CSMD1: variants seen among roughly 807,000 people sequenced by gnomAD.
The protein encoded by CSMD1 is CUB and sushi domain-containing protein 1.
In CSMD1, 213 loss-of-function variants were observed where a neutral mutation model predicts 417.5. The ratio of observed to expected loss-of-function variants is 0.51; its 90% CI spans 0.46 to 0.57. The LOEUF is 0.57. Ranked by LOEUF, CSMD1 falls within the 20% of genes least tolerant of loss-of-function variation. The probability of loss-of-function intolerance (pLI) is 0.00; values close to 1 mark genes in which losing one functional copy is unlikely to be tolerated. For synonymous variants in CSMD1, 2,862 were observed against 1,736.8 expected (o/e 1.65, Z -16.11); for missense variants, 6,923 against 4,529.7 (o/e 1.53, Z -15.17).
At chr8:4,328,719 C>G (rs534823089) in intron 3 of CSMD1, among the ~76,000 whole-genome samples, 1 of 152,134 alleles carries the variant, frequency 6.6e-6, no homozygotes, top group Non-Finnish European at 1.5e-5. Context: ...TATACTATGG[C>G]TATTTCTTTA....
intron 5 of CSMD1, among the ~76,000 whole-genome samples, chr8:3,876,410 C>G (rs73661014): frequency 6.6e-6 from 1 of 152,142 alleles, no homozygotes; most frequent in African/African-American, 2.4e-5. Flanking sequence ...CTAAAGAATT[C>G]TGCACTTAGA....
intron 3 of CSMD1, among the ~76,000 whole-genome samples, chr8:4,306,754 G>C (rs117988211): frequency 6.6e-6 from 1 of 152,072 alleles, no homozygotes. Context: ...CAGCAGGGTA[G>C]TGTTCTGGTG....
chr8:2,959,763 A>C (rs1267490081), intron 62 of CSMD1, among the ~76,000 whole-genome samples: 4 of 152,154 alleles, frequency 2.6e-5, no homozygotes, highest in African/African-American at 9.7e-5. Flanking sequence ...TGCTAAAGAA[A>C]ACAGACAAAA....
chr8:3,574,310 G>C (rs912536923), intron 10 of CSMD1, among the ~76,000 whole-genome samples: 3 of 152,230 alleles, frequency 2.0e-5, no homozygotes, highest in African/African-American at 7.2e-5. Flanking sequence ...GCACGATCTT[G>C]GCCCACTTCA....
chr8:3,959,582 T>C (rs916143285), intron 5 of CSMD1, among the ~76,000 whole-genome samples: 1 of 152,250 alleles, frequency 6.6e-6, no homozygotes, highest in Non-Finnish European at 1.5e-5. Flanking sequence ...TCTCTTTTAA[T>C]CTAAAAATAA....
rs754048973 is a variant in CSMD1, at chr8:4,578,813, CA to C, written c.302+58528del. ...TGGGTGACAGAGATAGACTCCACCT[CA>C]AAAAAAAAAAAAAAACAAACCTATC... On this transcript the variant is annotated intron_variant, in intron 2 of 69. Coordinates refer to ENST00000635120, the MANE Select transcript of CSMD1 (RefSeq NM_033225.6). 0.011 allele frequency among the ~76,000 whole-genome samples: 896 copies of C among 81,444 alleles called. 21 individuals carry two copies. In the East Asian group the frequency reaches 0.17, roughly 16 times the overall value. The allele number at this position is 81,444 out of a possible 152,430, so 53.4% of individuals were successfully genotyped here. A position where few individuals can be genotyped will look rare whatever the true frequency, so the allele number is the denominator to read the frequency against.
At chr8:3,809,000 C>T (rs1323903459) in intron 5 of CSMD1, among the ~76,000 whole-genome samples, 2 of 152,120 alleles carry the variant, frequency 1.3e-5, no homozygotes, top group Admixed American at 1.3e-4. Context: ...GTCAACATGA[C>T]ATGGATGATT....
intron 54 of CSMD1, among the ~76,000 whole-genome samples, chr8:2,996,991 T>C (rs1018593351): frequency 6.6e-6 from 1 of 152,222 alleles, no homozygotes; most frequent in African/African-American, 2.4e-5. Flanking sequence ...CCAATGTCCC[T>C]GGGCTTCTTA....
rs1035305474 is a variant in CSMD1 at position 3,889,517 on chromosome 8, A to G, written c.818+108386T>C. The stretch of plus-strand genomic sequence containing the variant: ...TAAAATATGCTCATTAGGTCATGAT[A>G]TATACATATATATACATACACACAT... On this transcript the variant is annotated intron_variant, in intron 5 of 69. Transcript: ENST00000635120. Among the ~76,000 whole-genome samples the G allele has an allele frequency of 5.7e-4, 70 of 122,200 alleles. 6 individuals are homozygous for G. The highest frequency in any genetic ancestry group is 2.6e-4 in the Non-Finnish European group (15 of 57,154). 80.2% of individuals were successfully genotyped at this position (122,200 alleles called of 152,430 possible).
At chr8:3,817,321 C>G (rs1046630857) in intron 5 of CSMD1, among the ~76,000 whole-genome samples, 2 of 119,724 alleles carry the variant, frequency 1.7e-5, no homozygotes. Flanking sequence ...CGCTGTGTCA[C>G]CCAGGCTGGA....
intron 3 of CSMD1, among the ~76,000 whole-genome samples, chr8:4,335,535 A>G (rs1219101754): frequency 1.3e-5 from 2 of 152,216 alleles, no homozygotes; most frequent in African/African-American, 4.8e-5. Flanking sequence ...GAACATCAGC[A>G]CCAACATCTA....
chr8:3,892,528 T>C (rs1279888035), intron 5 of CSMD1, among the ~76,000 whole-genome samples: 1 of 73,838 alleles, frequency 1.4e-5, no homozygotes, highest in Non-Finnish European at 2.5e-5. Flanking sequence ...TAGAGGAATT[T>C]TGCAAAAATA....
At chr8:4,880,199 G>C (rs911268614) in intron 1 of CSMD1, among the ~76,000 whole-genome samples, 1 of 151,992 alleles carries the variant, frequency 6.6e-6, no homozygotes, top group Non-Finnish European at 1.5e-5. Flanking sequence ...GAGAGTTAAG[G>C]GAAGAACACA....
intron 2 of CSMD1, among the ~76,000 whole-genome samples, chr8:4,491,759 C>G (rs1217262711): frequency 2.0e-5 from 3 of 152,170 alleles, no homozygotes; most frequent in Non-Finnish European, 4.4e-5. Flanking sequence ...GGAAGGCTCA[C>G]TCACTGCTGG....
intron 3 of CSMD1, among the ~76,000 whole-genome samples, chr8:4,119,272 A>G (rs527443635): frequency 2.6e-5 from 4 of 152,306 alleles, no homozygotes; most frequent in African/African-American, 7.2e-5. Flanking sequence ...AAAAAAATAG[A>G]AACAAATGGA....
chr8:3,037,761 G>A (rs1156300265), intron 50 of CSMD1, among the ~76,000 whole-genome samples: 3 of 152,194 alleles, frequency 2.0e-5, no homozygotes, highest in Admixed American at 2.0e-4. Flanking sequence ...AATTAATAGA[G>A]TTTTAAAGTT....
At chr8:4,068,275 G>C (rs535376431) in intron 3 of CSMD1, among the ~76,000 whole-genome samples, 3 of 152,208 alleles carry the variant, frequency 2.0e-5, no homozygotes, top group Admixed American at 2.0e-4. Flanking sequence ...GGAGAGTTGA[G>C]AAGTCTACTT....
chr8:4,237,928 C>T (rs144296775), intron 3 of CSMD1, among the ~76,000 whole-genome samples: 2 of 152,192 alleles, frequency 1.3e-5, no homozygotes, highest in Non-Finnish European at 2.9e-5. Context: ...TTTCCTCTCA[C>T]TGGCGGAGAA....
chr8:4,246,388 G>A (rs1453632933), intron 3 of CSMD1, among the ~76,000 whole-genome samples: 4 of 152,140 alleles, frequency 2.6e-5, no homozygotes, highest in Non-Finnish European at 5.9e-5. Context: ...AAAATATTCT[G>A]CAGCTGCTGT....
Sources: gnomAD v4.1 joint callset for allele counts (sites outside exome capture counted in the v4.1 genomes callset) on GRCh38, gnomAD v4.1.1 for gene constraint, MANE v1.5 for transcripts, NCBI Gene and HGNC (gene_info 2026-07-23, HGNC 2026-07-21) for gene names.